Variants in GALNTL6 observed in about 807,000 individuals in gnomAD.
The protein encoded by GALNTL6 is polypeptide N-acetylgalactosaminyltransferase like 6.
A neutral mutation model predicts 73.7 loss-of-function variants in GALNTL6; 46 were observed. That is an observed-to-expected ratio of 0.62 (90% CI 0.49 to 0.80). GALNTL6 has a LOEUF of 0.80. GALNTL6 is among the 30% of genes least tolerant of loss of function. The pLI is 0.00. For synonymous variants in GALNTL6, 259 were observed against 263.7 expected, an observed-to-expected ratio of 0.98 and a Z score of 0.17; for missense variants, 604 against 755.0, an observed-to-expected ratio of 0.80 and a Z score of 2.34.
rs1157756347 is a variant in GALNTL6 at position 172,612,239 on chromosome 4, G to T, written c.554-197122G>T. ...TCTTTGGGCTTCAGTTTCTTGACCA[G>T]TAAGTTGAAAACAAATCAAATGTAC... On this transcript the variant is annotated intron_variant, in intron 5 of 12. Coordinates refer to ENST00000506823, the MANE Select transcript of GALNTL6 (RefSeq NM_001034845.3). Among the ~76,000 whole-genome samples, 3 of 152,026 alleles carry T rather than the reference G, an allele frequency of 2.0e-5. No homozygotes were observed. The East Asian group carries it at 5.8e-4, about 29-fold the overall frequency.
At chr4:172,246,473 T>C (rs1737664079) in intron 3 of GALNTL6, among the ~76,000 whole-genome samples, 1 of 152,148 alleles carries the variant, frequency 6.6e-6, no homozygotes, top group African/African-American at 2.4e-5. Context: ...TGGATTGATA[T>C]TTAATTTTAG....
intron 3 of GALNTL6, 121 bp downstream of exon 3, chr4:172,229,885 T>G: frequency 3.2e-6 from 2 of 632,876 alleles, no homozygotes; most frequent in Non-Finnish European, 5.5e-6. Flanking sequence ...ATGGGGATAT[T>G]GGAGGTGATA....
At chr4:172,134,620 T>G (rs1733589481) in intron 2 of GALNTL6, among the ~76,000 whole-genome samples, 1 of 152,136 alleles carries the variant, frequency 6.6e-6, no homozygotes, top group African/African-American at 2.4e-5. Context: ...GCAGATGAAA[T>G]ATATGACATA....
At chr4:172,739,010 A>G (rs10034685) in intron 5 of GALNTL6, among the ~76,000 whole-genome samples, 54,551 of 152,004 alleles carry the variant, frequency 0.36, 10,847 homozygotes, top group African/African-American at 0.52. Flanking sequence ...AGGGAGAATA[A>G]ATTGTAAATG....
chr4:172,787,735 G>C (rs1579481932), intron 5 of GALNTL6, among the ~76,000 whole-genome samples: 1 of 152,158 alleles, frequency 6.6e-6, no homozygotes, highest in Non-Finnish European at 1.5e-5. Context: ...ATGACGAGTA[G>C]AAGAGGAGCC....
chr4:172,455,380 G>T (rs748288477), intron 5 of GALNTL6, among the ~76,000 whole-genome samples: 3 of 152,138 alleles, frequency 2.0e-5, no homozygotes, highest in Non-Finnish European at 2.9e-5. Flanking sequence ...CCCTGGAAAG[G>T]GGGCTGAAGC....
At position 172,825,113 on chromosome 4, in the gene GALNTL6, T is replaced by C. The variant is rs534655906; in HGVS notation, c.923+11390T>C. Among the ~76,000 whole-genome samples the C allele has an allele frequency of 1.5e-4, 22 of 148,078 alleles. 1 individual carries two copies. Among genetic ancestry groups the C allele is most frequent in the Admixed American group, 6.7e-4 (10 of 14,848 alleles). On this transcript the variant is annotated intron_variant, in intron 7 of 12. Transcript: ENST00000506823. ...TTCTTTCTTTCTTTCTTTCTTTCTTTCTTTCTTTCTTTCTTTCTTCCTTTC... is the reference window on the plus strand; with the variant it reads ...TTCTTTCTTTCTTTCTTTCTTTCTTCCTTTCTTTCTTTCTTTCTTCCTTTC...
At chr4:172,452,373 G>GA (rs11370886) in intron 5 of GALNTL6, among the ~76,000 whole-genome samples, 29,900 of 149,430 alleles carry the variant, frequency 0.2, 3,495 homozygotes, top group East Asian at 0.33. Context: ...AGCAGCGAAA[G>GA]AAAAAAAAAA....
intron 2 of GALNTL6, among the ~76,000 whole-genome samples, chr4:172,207,541 A>G (rs893743964): frequency 3.3e-5 from 5 of 152,188 alleles, no homozygotes; most frequent in African/African-American, 1.2e-4. Flanking sequence ...AAATAAATAG[A>G]TAAACTTTTT....
At chr4:171,855,829 C>G (rs1421038459) in intron 2 of GALNTL6, among the ~76,000 whole-genome samples, 3 of 152,096 alleles carry the variant, frequency 2.0e-5, no homozygotes, top group Non-Finnish European at 4.4e-5. Context: ...ATATCTCATT[C>G]TTGTTTTAAT....
intron 2 of GALNTL6, among the ~76,000 whole-genome samples, chr4:172,014,581 T>A (rs910672166): frequency 6.6e-6 from 1 of 152,094 alleles, no homozygotes; most frequent in Non-Finnish European, 1.5e-5. Context: ...ATTTCTTTTC[T>A]TCTGCTGGGT....
At chr4:171,962,032 G>A (rs1460316056) in intron 2 of GALNTL6, among the ~76,000 whole-genome samples, 1 of 152,096 alleles carries the variant, frequency 6.6e-6, no homozygotes, top group Non-Finnish European at 1.5e-5. Flanking sequence ...TTGTCAGAAC[G>A]CAAAAGTTAT....
chr4:172,989,993 C>T (rs941675575), intron 10 of GALNTL6, among the ~76,000 whole-genome samples: 1 of 152,166 alleles, frequency 6.6e-6, no homozygotes, highest in African/African-American at 2.4e-5. Flanking sequence ...AATATCTCTC[C>T]TCTTGAGCCT....
Position 172,809,713 on chromosome 4 carries a change from T to A in GALNTL6, c.739+167T>A, listed in dbSNP as rs1209187293. Among the ~76,000 whole-genome samples the A allele has an allele frequency of 6.6e-6, 1 of 152,210 alleles. No homozygotes were observed. The highest frequency in any genetic ancestry group is 2.4e-5 in the African/African-American group (1 of 41,448). Reference sequence around the variant, plus strand: ...TGCTGAAAACAGTTTACTAGGTAACTGTTTTAGGCAGTATTCTAGGTAATG... The same window carrying A: ...TGCTGAAAACAGTTTACTAGGTAACAGTTTTAGGCAGTATTCTAGGTAATG... On this transcript the variant is annotated intron_variant, in intron 6 of 12. Transcript: ENST00000506823. This position sits in a 1 kb window ranked among gnomAD's most constrained non-coding sequence, Gnocchi z 4.4.
At chr4:172,415,600 G>A (rs1454930693) in intron 5 of GALNTL6, among the ~76,000 whole-genome samples, 1 of 152,146 alleles carries the variant, frequency 6.6e-6, no homozygotes, top group Non-Finnish European at 1.5e-5. Context: ...TGTAGCAGGA[G>A]GAGCTGCAGA....
At chr4:171,989,817 G>A (rs930911374) in intron 2 of GALNTL6, among the ~76,000 whole-genome samples, 2 of 152,194 alleles carry the variant, frequency 1.3e-5, no homozygotes, top group African/African-American at 2.4e-5. Context: ...GGGCTGTAAA[G>A]CATCTCAGGG....
Position 172,934,585 on chromosome 4 carries a change from C to T in GALNTL6, c.1149+3317C>T, listed in dbSNP as rs376671514. 1.7e-4 allele frequency among the ~76,000 whole-genome samples: 26 copies of T among 152,208 alleles called. 1 individual carries two copies. The highest frequency in any genetic ancestry group is 1.2e-3 in the East Asian group (6 of 5,190). ...TCTGGGAATAAGCGTATTCACTTGACATTAATAAGCCTAGACAGTTTTACT... is the reference window on the plus strand; with the variant it reads ...TCTGGGAATAAGCGTATTCACTTGATATTAATAAGCCTAGACAGTTTTACT... On this transcript the variant is annotated intron_variant, in intron 9 of 12. Coordinates refer to ENST00000506823, the MANE Select transcript of GALNTL6 (RefSeq NM_001034845.3).
At chr4:172,867,308 ATGGAG>A (rs892917878) in intron 7 of GALNTL6, among the ~76,000 whole-genome samples, 10 of 152,186 alleles carry the variant, frequency 6.6e-5, no homozygotes, top group Admixed American at 5.9e-4. Flanking sequence ...CAAGTCTACT[ATGGAG>A]TGCACTTCCT....
chr4:172,993,359 T>C (rs1247175496), intron 10 of GALNTL6, among the ~76,000 whole-genome samples: 1 of 152,354 alleles, frequency 6.6e-6, no homozygotes, highest in South Asian at 2.1e-4. Context: ...ATCTTGAGCT[T>C]CCTGACTCCA....
Sources: gnomAD v4.1 joint callset for allele counts (sites outside exome capture counted in the v4.1 genomes callset) on GRCh38, gnomAD v4.1.1 for gene constraint, Gnocchi (gnomAD v3.1) non-coding constraint, MANE v1.5 for transcripts, NCBI Gene and HGNC (gene_info 2026-07-23, HGNC 2026-07-21) for gene names.